ZFP57: variants seen among roughly 807,000 people sequenced by gnomAD.
ZFP57 encodes zinc finger protein 57 homolog.
Under a neutral mutation model 15.8 loss-of-function variants are expected in ZFP57, and 12 were observed. The ratio of observed to expected loss-of-function variants is 0.76; its 90% CI spans 0.49 to 1.23. ZFP57 has a LOEUF of 1.23. Ranked by LOEUF, ZFP57 falls within the 50% of genes most tolerant of loss-of-function variation. The pLI, the probability that ZFP57 is intolerant of heterozygous loss-of-function variation, is 0.00. For missense variants in ZFP57, 536 were observed against 654.9 expected (o/e 0.82, Z 1.98); for synonymous variants, 203 against 242.3 (o/e 0.84, Z 1.51).
At chr6:29,676,632 T>C (rs991372049) in intron 2 of ZFP57, among the ~76,000 whole-genome samples, 3 of 150,310 alleles carry the variant, frequency 2.0e-5, no homozygotes, top group Non-Finnish European at 4.4e-5. Flanking sequence ...TATGCAGATA[T>C]GCAGAATATA....
At chr6:29,677,788 C>T (rs1292543262) in intron 1 of ZFP57, among the ~76,000 whole-genome samples, 4 of 151,986 alleles carry the variant, frequency 2.6e-5, no homozygotes, top group Non-Finnish European at 1.5e-5. Flanking sequence ...CACACACACA[C>T]ACACACACAA....
chr6:29,673,682 A>C lies in ZFP57; in HGVS notation c.429T>G (p.Leu143=). The change falls in exon 5 of 5, where the codon CTT becomes CTG. Residue 143 remains leucine, a synonymous_variant. Coordinates refer to ENST00000376883, the MANE Select transcript of ZFP57 (RefSeq NM_001109809.5). The surrounding 1 kb of genome is among the most constrained non-coding windows in gnomAD (Gnocchi z 4.7). The part of the protein sequence containing the change: ...DEGTSDDKVF[L]ACRGAGQCPL... ...GGCACTGGCCGGCCCCTCTGCATGC[A>C]AGGAAGACCTTGTCATCACTAGTCC... The C allele has an allele frequency of 1.2e-6, 2 of 1,612,966 alleles. No individual in the cohort carries two copies. Among genetic ancestry groups the C allele is most frequent in the Non-Finnish European group, 1.7e-6 (2 of 1,179,972 alleles).
chr6:29,676,512 G>A (rs1772078800), intron 2 of ZFP57, among the ~76,000 whole-genome samples: 2 of 145,618 alleles, frequency 1.4e-5, no homozygotes, highest in South Asian at 4.4e-4. Flanking sequence ...CTCCAGCCTG[G>A]GTGACAGAGC....
At chr6:29,675,595 C>T (rs1772029748) in intron 3 of ZFP57, 108 bp from the exon 4 acceptor site, 2 of 944,162 alleles carry the variant, frequency 2.1e-6, no homozygotes, top group Non-Finnish European at 3.5e-6. Flanking sequence ...GAACCATAAC[C>T]TGGGACATGT....
At chr6:29,675,650 C>T (rs1325379857) in intron 3 of ZFP57, among the ~76,000 whole-genome samples, 163 bp from the exon 4 acceptor site, 6 of 152,260 alleles carry the variant, frequency 3.9e-5, no homozygotes, top group African/African-American at 1.4e-4. Flanking sequence ...TAGCAAAGTA[C>T]CTGGTTCTCA....
chr6:29,676,402 G>A (rs1772073391), intron 2 of ZFP57, among the ~76,000 whole-genome samples: 1 of 152,034 alleles, frequency 6.6e-6, no homozygotes, highest in African/African-American at 2.4e-5. Flanking sequence ...TGGGCATGGT[G>A]GCGCATGCCT....
Position 29,672,767 on chromosome 6 carries a change from G to A in ZFP57, c.1344C>T (p.Ser448=). The change falls in exon 5 of 5, where the codon TCC becomes TCT. Residue 448 remains serine (S), a synonymous_variant. Transcript: ENST00000376883. ...CCATAAGGCCCTCTTTCTCCCCAAA[G>A]GAGAGGTCACAGATAGGGCAAAGGT... ...KSYLCPICDL[S]FGEKEGLMDH... The A allele has an allele frequency of 6.2e-7, 1 of 1,613,070 alleles. No homozygotes were observed. The highest frequency in any genetic ancestry group is 8.5e-7 in the Non-Finnish European group (1 of 1,180,046).
chr6:29,675,151 CAAAAAA>C (rs11357168), intron 4 of ZFP57, among the ~76,000 whole-genome samples: 17 of 81,954 alleles, frequency 2.1e-4, no homozygotes, highest in Admixed American at 3.0e-4. Context: ...GACTGTGTCT[CAAAAAA>C]AAAAAAAAAA....
Position 29,672,818 on chromosome 6 carries a change from C to T in ZFP57, c.1293G>A (p.Gln431=). 6.2e-7 allele frequency: 1 copy of T among 1,613,088 alleles called. No individual in the cohort carries two copies. The highest frequency in any genetic ancestry group is 8.5e-7 in the Non-Finnish European group (1 of 1,180,040). ...AGCTCTTCTGCTTCCAGTGGGTCTG[C>T]TGGTGTCTGACCAGCCTGGAAAATG... The part of the protein sequence containing the change: ...FSSFSRLVRH[Q]QTHWKQKSYL... The change falls in exon 5 of 5, where the codon CAG becomes CAA. Residue 431 remains glutamine, a synonymous_variant. Transcript: ENST00000376883.
At chr6:29,678,126 C>T (rs1195877250) in intron 1 of ZFP57, among the ~76,000 whole-genome samples, 2 of 152,336 alleles carry the variant, frequency 1.3e-5, no homozygotes, top group Non-Finnish European at 2.9e-5. Flanking sequence ...ATCACTTGAA[C>T]CCTGGAGGTG....
intron 4 of ZFP57, among the ~76,000 whole-genome samples, chr6:29,674,871 AGCCAGGCACGGTGGCTCATGCCTGT>A (rs1272276626): frequency 6.6e-6 from 1 of 152,090 alleles, no homozygotes. Flanking sequence ...ATCTTCAGCC[AGCCAGGCACGGTGGCTCATGCCTGT>A]AATCCCAGCA....
rs79455213 is a variant in ZFP57, at chr6:29,672,507, T to C, written c.1604A>G (p.His535Arg). Residue 535 changes from histidine to arginine, a missense_variant, in exon 5 of 5, where the codon CAT becomes CGT. Physicochemically the swap from His to Arg is conservative, Grantham distance 29. Coordinates refer to ENST00000376883, the MANE Select transcript of ZFP57 (RefSeq NM_001109809.5). ...KTKEAVSILK[H>R]K ...CTCAGTCAGAAAGGCCATTTATTTATGTTTCAAGATGCTCACTGCCTCCTT... is the reference window on the plus strand; with the variant it reads ...CTCAGTCAGAAAGGCCATTTATTTACGTTTCAAGATGCTCACTGCCTCCTT... The C allele has an allele frequency of 7.5e-5, 121 of 1,612,964 alleles. No individual in the cohort carries two copies. The African/African-American group carries it at 1.4e-3, about 18-fold the overall frequency.
intron 1 of ZFP57, among the ~76,000 whole-genome samples, chr6:29,677,768 T>TACACACACACACACACACAC: frequency 6.7e-6 from 1 of 149,516 alleles, no homozygotes; most frequent in South Asian, 2.1e-4. Flanking sequence ...ACCAAAATTA[T>TACACACACACACACACACAC]ACACACACAC....
intron 4 of ZFP57, 95 bp downstream of exon 4, chr6:29,675,291 C>G: frequency 3.3e-6 from 3 of 917,360 alleles, no homozygotes; most frequent in Non-Finnish European, 5.5e-6. Context: ...ACTAGGAGAG[C>G]ATCTATAGAG....
chr6:29,677,111 G>A lies in ZFP57; in HGVS notation c.-108C>T. 6.5e-7 allele frequency: 1 copy of A among 1,537,026 alleles called. No homozygotes were observed. The highest frequency in any genetic ancestry group is 9.0e-7 in the Non-Finnish European group (1 of 1,116,766). On this transcript the variant is annotated 5_prime_UTR_variant, in exon 2 of 5. Transcript: ENST00000376883. ...TCTACCTCCCAGTAACTGGGCAGAT[G>A]GAGAGGCCCAGCAAAGGCCCCAGGG... is the stretch of plus-strand genomic sequence containing the variant.
chr6:29,680,155 GGAA>G (rs1469730613), intron 1 of ZFP57, among the ~76,000 whole-genome samples: 1 of 152,150 alleles, frequency 6.6e-6, no homozygotes, highest in Non-Finnish European at 1.5e-5. Context: ...GGCGGGAGGA[GGAA>G]GGAGACTGGG....
intron 4 of ZFP57, among the ~76,000 whole-genome samples, chr6:29,674,150 G>A (rs1431301050): frequency 7.0e-6 from 1 of 142,742 alleles, no homozygotes. Context: ...GGAGAAGAAG[G>A]AGAAGGAGAA....
In ZFP57 at chr6:29,673,373, T is replaced by C; in HGVS notation, c.738A>G (p.Leu246=). The C allele has an allele frequency of 1.2e-6, 2 of 1,613,074 alleles. No individual in the cohort carries two copies. Among genetic ancestry groups the C allele is most frequent in the Non-Finnish European group, 1.7e-6 (2 of 1,180,032 alleles). The change falls in exon 5 of 5, where the codon CTA becomes CTG. Residue 246 remains leucine (L), a synonymous_variant. Coordinates refer to ENST00000376883, the MANE Select transcript of ZFP57 (RefSeq NM_001109809.5). The surrounding 1 kb of genome is among the most constrained non-coding windows in gnomAD (Gnocchi z 4.7). ...CCAGATGGACGCGGCGGTGACGACT[T>C]AGTCCAGAAGCATCACAGTAGGTCT... ...CDKTYCDASG[L]SRHRRVHLGY...
chr6:29,677,498 C>A (rs548820083), intron 1 of ZFP57, 132 bp from the exon 2 acceptor site: 37 of 185,796 alleles, frequency 2.0e-4, no homozygotes, highest in African/African-American at 8.5e-4. Flanking sequence ...AATGAGGTAA[C>A]AATTACTGGC....
Sources: gnomAD v4.1 joint callset for allele counts (sites outside exome capture counted in the v4.1 genomes callset) on GRCh38, gnomAD v4.1.1 for gene constraint, Gnocchi (gnomAD v3.1) non-coding constraint, MANE v1.5 for transcripts, NCBI Gene and HGNC (gene_info 2026-07-23, HGNC 2026-07-21) for gene names.